FAM184B: variants seen among roughly 807,000 people sequenced by gnomAD.
The protein encoded by FAM184B is family with sequence similarity 184 member B.
In FAM184B, 111 loss-of-function variants were observed where a neutral mutation model predicts 135.9. The observed-to-expected ratio is 0.82, with a 90% confidence interval of 0.70 to 0.96. The LOEUF (loss-of-function observed/expected upper bound fraction) is 0.96. Among genes scored for constraint, FAM184B ranks in the 40% least tolerant of loss-of-function variants. FAM184B has a pLI of 0.00. For missense variants in FAM184B, 1,375 were observed against 1,323.9 expected, an observed-to-expected ratio of 1.04 and a Z score of -0.60; for synonymous variants, 552 against 524.8, an observed-to-expected ratio of 1.05 and a Z score of -0.71.
chr4:17,747,920 CAAAAAAAA>C (rs71167333), intron 1 of FAM184B, among the ~76,000 whole-genome samples: 3 of 21,706 alleles, frequency 1.4e-4, no homozygotes, highest in East Asian at 3.8e-3. Flanking sequence ...GACTCTGTCT[CAAAAAAAA>C]AAAAAAAAAA....
chr4:17,692,587 T>TA (rs1716762602), intron 6 of FAM184B, among the ~76,000 whole-genome samples: 1 of 152,168 alleles, frequency 6.6e-6, no homozygotes, highest in Non-Finnish European at 1.5e-5. Flanking sequence ...AAACAATCGA[T>TA]ACTGTTTTGC....
intron 1 of FAM184B, among the ~76,000 whole-genome samples, chr4:17,731,901 C>T (rs1717785418): frequency 6.6e-6 from 1 of 152,100 alleles, no homozygotes; most frequent in African/African-American, 2.4e-5. Context: ...AGCACCACAC[C>T]ACACCTATTC....
intron 9 of FAM184B, among the ~76,000 whole-genome samples, chr4:17,659,550 G>A (rs187714367): frequency 8.1e-4 from 123 of 151,804 alleles, no homozygotes; most frequent in Non-Finnish European, 1.5e-3. Flanking sequence ...GCAGCGGTGC[G>A]ATCTCGGCTC....
Position 17,659,952 on chromosome 4 carries a change from T to A in FAM184B, c.1824+6A>T. On this transcript the variant is annotated splice_donor_region_variant and intron_variant, in intron 9 of 17. Coordinates refer to ENST00000265018, the MANE Select transcript of FAM184B (RefSeq NM_015688.2). Reference sequence around the variant, plus strand: ...AGGGGGCACATCCCCACCAGGGTTGTCCTACCTGGGCTTGCAATTTGGCCT... The same window carrying A: ...AGGGGGCACATCCCCACCAGGGTTGACCTACCTGGGCTTGCAATTTGGCCT... The A allele has an allele frequency of 6.4e-7, 1 of 1,550,460 alleles. No individual in the cohort carries two copies. The highest frequency in any genetic ancestry group is 1.2e-5 in the South Asian group (1 of 84,000).
chr4:17,634,349 A>G (rs914431881), intron 16 of FAM184B, among the ~76,000 whole-genome samples: 2 of 152,192 alleles, frequency 1.3e-5, no homozygotes, highest in Non-Finnish European at 2.9e-5. Flanking sequence ...TTTAAGATGT[A>G]GCCTTGCTCT....
At chr4:17,711,204 A>G (rs1420352288) in intron 1 of FAM184B, among the ~76,000 whole-genome samples, 1 of 151,688 alleles carries the variant, frequency 6.6e-6, no homozygotes, top group Admixed American at 6.6e-5. Context: ...AAAAAAAGCC[A>G]GATGTGGTGG....
intron 1 of FAM184B, among the ~76,000 whole-genome samples, chr4:17,765,206 G>C (rs1718633314): frequency 6.6e-6 from 1 of 152,154 alleles, no homozygotes; most frequent in African/African-American, 2.4e-5. Context: ...ACCGAGTCAG[G>C]ACCTCAGCAC....
chr4:17,700,149 A>G (rs1180622016), intron 5 of FAM184B, among the ~76,000 whole-genome samples: 1 of 152,176 alleles, frequency 6.6e-6, no homozygotes, highest in Non-Finnish European at 1.5e-5. Flanking sequence ...GGGGGTGGGG[A>G]ACAGATGTGA....
intron 1 of FAM184B, among the ~76,000 whole-genome samples, chr4:17,730,365 C>A (rs1274744712): frequency 6.6e-6 from 1 of 152,140 alleles, no homozygotes; most frequent in African/African-American, 2.4e-5. Context: ...AGGAGAACTT[C>A]CCCAATCTAG....
At position 17,642,114 on chromosome 4, in the gene FAM184B, GCCGCCGCACCGCGTC is replaced by G. The variant is rs1385695361; in HGVS notation, c.2446_2460del (p.Asp816_Arg820del). 2.5e-5 allele frequency: 39 copies of G among 1,532,796 alleles called. No homozygotes were observed. Among genetic ancestry groups the G allele is most frequent in the Non-Finnish European group, 3.1e-5 (36 of 1,145,398 alleles). 94.9% of individuals were successfully genotyped at this position (1,532,796 alleles called of 1,614,324 possible). On this transcript the variant is annotated inframe_deletion, in exon 13 of 18. Transcript: ENST00000265018. ...TGATGCTGCTCCACCTCCGCGCGCA[GCCGCCGCACCGCGTC>G]CTGGAGCTGCGCGTTCTCCTCCCAG...
chr4:17,700,383 C>A (rs1447113130), intron 5 of FAM184B, among the ~76,000 whole-genome samples: 1 of 152,062 alleles, frequency 6.6e-6, no homozygotes, highest in East Asian at 1.9e-4. Flanking sequence ...TATTATCAGA[C>A]AAAGCAGACT....
chr4:17,775,295 C>A (rs1272498268), intron 1 of FAM184B, among the ~76,000 whole-genome samples: 1 of 152,152 alleles, frequency 6.6e-6, no homozygotes, highest in Non-Finnish European at 1.5e-5. Context: ...AATCGATTCT[C>A]CTGCCTCAGC....
At chr4:17,648,651 G>A (rs1168129103) in intron 11 of FAM184B, among the ~76,000 whole-genome samples, 4 of 152,022 alleles carry the variant, frequency 2.6e-5, no homozygotes, top group Non-Finnish European at 4.4e-5. Context: ...CACAGTACCC[G>A]GCCAATATCC....
At chr4:17,696,346 G>T (rs1220564563) in intron 5 of FAM184B, among the ~76,000 whole-genome samples, 1 of 152,194 alleles carries the variant, frequency 6.6e-6, no homozygotes, top group Non-Finnish European at 1.5e-5. Context: ...TACAGAGGTT[G>T]TCATGTATCG....
At chr4:17,740,351 CAAAAAA>C (rs55801096) in intron 1 of FAM184B, among the ~76,000 whole-genome samples, 1 of 84,530 alleles carries the variant, frequency 1.2e-5, no homozygotes, top group Admixed American at 1.7e-4. Context: ...GACCCTGTCT[CAAAAAA>C]AAAAAAAAAA....
At chr4:17,640,545 CACA>C (rs1715281073) in intron 13 of FAM184B, among the ~76,000 whole-genome samples, 1 of 148,686 alleles carries the variant, frequency 6.7e-6, no homozygotes, top group Non-Finnish European at 1.5e-5. Context: ...TTTGGGCCAA[CACA>C]ACAGGGTTCA....
At chr4:17,731,114 A>G (rs1244506867) in intron 1 of FAM184B, among the ~76,000 whole-genome samples, 1 of 152,230 alleles carries the variant, frequency 6.6e-6, no homozygotes, top group Non-Finnish European at 1.5e-5. Flanking sequence ...TACTTTACAG[A>G]CAACCAAATG....
At chr4:17,663,078 G>A (rs1715956460) in intron 8 of FAM184B, among the ~76,000 whole-genome samples, 1 of 152,164 alleles carries the variant, frequency 6.6e-6, no homozygotes, top group East Asian at 1.9e-4. Flanking sequence ...TGGGACTACA[G>A]GCATGTGCCA....
chr4:17,641,461 CTTTTTTTTTTTTTTTTTTTT>C (rs71167316), intron 13 of FAM184B, among the ~76,000 whole-genome samples: 53 of 45,700 alleles, frequency 1.2e-3, no homozygotes, highest in South Asian at 7.8e-3. Flanking sequence ...AGGACTCCCT[CTTTTTTTTTTTTTTTTTTTT>C]TTTTTTTTTT....
Sources: gnomAD v4.1 joint callset for allele counts (sites outside exome capture counted in the v4.1 genomes callset) on GRCh38, gnomAD v4.1.1 for gene constraint, MANE v1.5 for transcripts, NCBI Gene and HGNC (gene_info 2026-07-23, HGNC 2026-07-21) for gene names.